HS6ST3: variants seen among roughly 807,000 people sequenced by gnomAD.
HS6ST3 encodes the protein heparan sulfate 6-O-sulfotransferase 3.
A neutral mutation model predicts 36.7 loss-of-function variants in HS6ST3; 12 were observed. The observed-to-expected ratio is 0.33, with a 90% CI of 0.21 to 0.53. The LOEUF is 0.53. HS6ST3 is among the 20% of genes least tolerant of loss of function. HS6ST3 has a pLI of 0.95. For synonymous variants in HS6ST3, 240 were observed against 257.5 expected, an observed-to-expected ratio of 0.93 and a Z score of 0.65; for missense variants, 584 against 640.9, an observed-to-expected ratio of 0.91 and a Z score of 0.96.
At chr13:96,193,998 G>T (rs2139347351) in intron 1 of HS6ST3, among the ~76,000 whole-genome samples, 1 of 152,278 alleles carries the variant, frequency 6.6e-6, no homozygotes, top group East Asian at 1.9e-4. Context: ...AATAACAACA[G>T]ACATGAGTTA....
At chr13:96,225,639 ATAACT>A (rs1210728041) in intron 1 of HS6ST3, among the ~76,000 whole-genome samples, 1 of 152,136 alleles carries the variant, frequency 6.6e-6, no homozygotes, top group African/African-American at 2.4e-5. Flanking sequence ...TTTTATTTTA[ATAACT>A]TTACTTTTCT....
At chr13:96,715,087 C>T (rs528692497) in intron 1 of HS6ST3, among the ~76,000 whole-genome samples, 2 of 152,156 alleles carry the variant, frequency 1.3e-5, no homozygotes, top group South Asian at 4.2e-4. Flanking sequence ...TTAATAAATA[C>T]ATTGTAATCA....
At chr13:96,554,088 C>G (rs2056230544) in intron 1 of HS6ST3, among the ~76,000 whole-genome samples, 1 of 152,144 alleles carries the variant, frequency 6.6e-6, no homozygotes, top group Non-Finnish European at 1.5e-5. Context: ...TAGATGTGAA[C>G]ATGTTCAGGC....
chr13:96,754,202 T>A (rs1876769381), intron 1 of HS6ST3, among the ~76,000 whole-genome samples: 1 of 152,212 alleles, frequency 6.6e-6, no homozygotes. Flanking sequence ...TTTCTAGTGA[T>A]ATGTATCATG....
intron 1 of HS6ST3, among the ~76,000 whole-genome samples, chr13:96,469,867 C>T (rs949139067): frequency 1.3e-5 from 2 of 152,048 alleles, no homozygotes; most frequent in Admixed American, 1.3e-4. Flanking sequence ...ACAACACTTA[C>T]AAAAATTTCT....
At chr13:96,290,347 A>G (rs1313843213) in intron 1 of HS6ST3, among the ~76,000 whole-genome samples, 1 of 152,130 alleles carries the variant, frequency 6.6e-6, no homozygotes, top group Non-Finnish European at 1.5e-5. Flanking sequence ...AATATGACCA[A>G]GGGGATCCAA....
At chr13:96,799,592 G>A (rs1280902367) in intron 1 of HS6ST3, among the ~76,000 whole-genome samples, 1 of 149,372 alleles carries the variant, frequency 6.7e-6, no homozygotes, top group Non-Finnish European at 1.5e-5. Flanking sequence ...GAGAACACAT[G>A]GACACAGGAA....
chr13:96,582,759 T>C (rs533536158), intron 1 of HS6ST3, among the ~76,000 whole-genome samples: 152 of 152,332 alleles, frequency 1.0e-3, no homozygotes, highest in Admixed American at 2.5e-3. Flanking sequence ...GCAGATCGGC[T>C]CATTTTCCAA....
At chr13:96,543,537 T>C (rs2056186223) in intron 1 of HS6ST3, among the ~76,000 whole-genome samples, 1 of 152,206 alleles carries the variant, frequency 6.6e-6, no homozygotes, top group African/African-American at 2.4e-5. Context: ...AAGATAGAAC[T>C]ATTTCAGGCC....
chr13:96,223,807 T>C (rs1387915054), intron 1 of HS6ST3, among the ~76,000 whole-genome samples: 2 of 152,184 alleles, frequency 1.3e-5, no homozygotes, highest in Non-Finnish European at 2.9e-5. Context: ...CTGACCCTGA[T>C]AGTTGCTAAC....
chr13:96,282,278 G>T (rs1039898344), intron 1 of HS6ST3, among the ~76,000 whole-genome samples: 1 of 152,168 alleles, frequency 6.6e-6, no homozygotes, highest in African/African-American at 2.4e-5. Context: ...CAGTAGCCAG[G>T]AAGTCTGGTC....
chr13:96,172,259 CA>C (rs1192029216), intron 1 of HS6ST3, among the ~76,000 whole-genome samples: 1 of 152,162 alleles, frequency 6.6e-6, no homozygotes, highest in East Asian at 1.9e-4. Flanking sequence ...CTTCAACTGC[CA>C]AAACCCAGCT....
In HS6ST3 at chr13:96,165,346, G is replaced by A. The variant is rs527621574; in HGVS notation, c.707+73777G>A. Among the ~76,000 whole-genome samples, 9 of 152,166 alleles carry A rather than the reference G, an allele frequency of 5.9e-5. 1 individual carries two copies. Among genetic ancestry groups the A allele is most frequent in the African/African-American group, 2.2e-4 (9 of 41,520 alleles). On this transcript the variant is annotated intron_variant, in intron 1 of 1. Coordinates refer to ENST00000376705, the MANE Select transcript of HS6ST3 (RefSeq NM_153456.4). ...TGGCTTCCCCTGTATTCTCTCTGGG[G>A]GCTTTTGTCCTGGGGGACTTCTGTT...
intron 1 of HS6ST3, among the ~76,000 whole-genome samples, chr13:96,135,942 G>A (rs1027983068): frequency 1.3e-5 from 2 of 152,044 alleles, no homozygotes; most frequent in African/African-American, 4.8e-5. Flanking sequence ...CAAAAGAAAG[G>A]GCCTCTCTCC....
At position 96,112,578 on chromosome 13, in the gene HS6ST3, A is replaced by AATATACATATATATATACAT. The variant is rs397773858; in HGVS notation, c.707+21014_707+21015insCATATATATATACATATATA. Among the ~76,000 whole-genome samples, 61 of 81,246 alleles carry AATATACATATATATATACAT rather than the reference A, an allele frequency of 7.5e-4. 5 individuals are homozygous for AATATACATATATATATACAT. The highest frequency in any genetic ancestry group is 2.8e-3 in the African/African-American group (58 of 20,550). The allele number at this position is 81,246 out of a possible 152,430, so 53.3% of individuals were successfully genotyped here. A position where few individuals can be genotyped will look rare whatever the true frequency, so the allele number is the denominator to read the frequency against. On this transcript the variant is annotated intron_variant, in intron 1 of 1. Transcript: ENST00000376705. Reference sequence around the variant, plus strand: ...TAAAACCCCATCTCTAAAATAAATAAATATATATATATATATATATATATA... The same window carrying AATATACATATATATATACAT: ...TAAAACCCCATCTCTAAAATAAATAAATATACATATATATATACATATATATATATATATATATATATATA...
At chr13:96,407,548 T>C (rs2055484996) in intron 1 of HS6ST3, among the ~76,000 whole-genome samples, 1 of 152,224 alleles carries the variant, frequency 6.6e-6, no homozygotes, top group African/African-American at 2.4e-5. Context: ...AGATAGGTTG[T>C]ATTCACATTG....
intron 1 of HS6ST3, among the ~76,000 whole-genome samples, chr13:96,616,812 C>A (rs2056475800): frequency 6.6e-6 from 1 of 152,176 alleles, no homozygotes; most frequent in East Asian, 1.9e-4. Flanking sequence ...GGATCAGCAT[C>A]TTATTAATTT....
At chr13:96,206,275 A>C (rs1262944378) in intron 1 of HS6ST3, among the ~76,000 whole-genome samples, 1 of 152,230 alleles carries the variant, frequency 6.6e-6, no homozygotes. Flanking sequence ...GAACCTCTTC[A>C]AGGAGAGCTA....
chr13:96,681,696 A>G (rs2056718826), intron 1 of HS6ST3, among the ~76,000 whole-genome samples: 1 of 152,122 alleles, frequency 6.6e-6, no homozygotes, highest in Non-Finnish European at 1.5e-5. Context: ...TCTGGAGTGG[A>G]AATCTGGAGC....
Sources: allele counts gnomAD v4.1 joint callset (sites outside exome capture counted in the v4.1 genomes callset), GRCh38; gene constraint gnomAD v4.1.1; transcripts MANE v1.5; gene names NCBI Gene and HGNC (gene_info 2026-07-23, HGNC 2026-07-21).